EHBP1: variants seen among roughly 807,000 people sequenced by gnomAD.
EHBP1 encodes EH domain binding protein 1.
A neutral mutation model predicts 144.0 loss-of-function variants in EHBP1; 55 were observed. The ratio of observed to expected loss-of-function variants is 0.38; its 90% CI spans 0.31 to 0.48. The LOEUF is 0.48. Ranked by LOEUF, EHBP1 falls within the 20% of genes least tolerant of loss-of-function variation. The pLI, the probability that EHBP1 is intolerant of heterozygous loss-of-function variation, is 0.98. For missense variants in EHBP1, 1,200 were observed against 1,364.2 expected (o/e 0.88, Z 1.90); for synonymous variants, 469 against 472.7 (o/e 0.99, Z 0.10).
chr2:63,044,907 C>G, intron 21 of EHBP1, 159 bp from the exon 22 acceptor site: 1 of 594,644 alleles, frequency 1.7e-6, no homozygotes, highest in Non-Finnish European at 3.0e-6. Context: ...AGGAAGCCTT[C>G]ACCACAACAG....
At chr2:62,771,316 T>C in intron 4 of EHBP1, 23 bp from the exon 5 acceptor site, 1 of 1,576,610 alleles carries the variant, frequency 6.3e-7, no homozygotes, top group Non-Finnish European at 8.7e-7. Context: ...TCAATTCCAT[T>C]TCATATTTTG....
chr2:62,848,449 A>G (rs1185427346), intron 7 of EHBP1, among the ~76,000 whole-genome samples: 1 of 152,218 alleles, frequency 6.6e-6, no homozygotes, highest in Non-Finnish European at 1.5e-5. Context: ...CCCCAAATAA[A>G]TGAAAATATA....
chr2:62,786,854 T>C (rs1472730379), intron 5 of EHBP1, among the ~76,000 whole-genome samples: 4 of 152,196 alleles, frequency 2.6e-5, no homozygotes, highest in South Asian at 2.1e-4. Flanking sequence ...TTGCATGTTA[T>C]CTTGTGTGTT....
At chr2:62,852,186 A>G (rs1338571416) in intron 7 of EHBP1, among the ~76,000 whole-genome samples, 1 of 152,142 alleles carries the variant, frequency 6.6e-6, no homozygotes, top group Non-Finnish European at 1.5e-5. Flanking sequence ...TTTTAGGAAC[A>G]TAAGATAATT....
intron 15 of EHBP1, among the ~76,000 whole-genome samples, chr2:62,981,706 G>C (rs917950253): frequency 3.9e-5 from 6 of 152,190 alleles, no homozygotes; most frequent in Non-Finnish European, 7.3e-5. Context: ...ATCTGAATTT[G>C]CCATCATTCA....
At chr2:62,852,893 C>G (rs533399095) in intron 7 of EHBP1, among the ~76,000 whole-genome samples, 23 of 152,196 alleles carry the variant, frequency 1.5e-4, no homozygotes, top group African/African-American at 5.5e-4. Context: ...ATTGGCAAAA[C>G]AAGATGGAAG....
intron 14 of EHBP1, among the ~76,000 whole-genome samples, chr2:62,974,219 T>G (rs550119468): frequency 1.3e-5 from 2 of 152,092 alleles, no homozygotes; most frequent in African/African-American, 2.4e-5. Context: ...TACCATCACA[T>G]TGCTTTGCTT....
Position 62,955,572 on chromosome 2 carries a change from A to G in EHBP1, c.2372A>G (p.Glu791Gly), listed in dbSNP as rs764590181. The G allele has an allele frequency of 2.7e-5, 44 of 1,613,224 alleles. No homozygotes were observed. Among genetic ancestry groups the G allele is most frequent in the Non-Finnish European group, 3.6e-5 (42 of 1,179,438 alleles). The change falls in exon 14 of 23, where the codon GAG becomes GGG. Residue 791 changes from glutamate (E) to glycine (G), a missense_variant. This residue lies in a region of EHBP1 where 543 missense variants were observed against 513.1 expected (regional missense o/e 1.06). Transcript: ENST00000431489. ...AAGGAAAGAGCAAGAGTTCTGCTTGAGCAAGCAAGAAGAGATGCAGCCTTA... is the reference window on the plus strand; with the variant it reads ...AAGGAAAGAGCAAGAGTTCTGCTTGGGCAAGCAAGAAGAGATGCAGCCTTA... ...ELKERARVLL[E>G]QARRDAALKA...
At chr2:62,791,383 A>G (rs879648025) in intron 5 of EHBP1, among the ~76,000 whole-genome samples, 6 of 152,182 alleles carry the variant, frequency 3.9e-5, no homozygotes, top group Admixed American at 1.3e-4. Flanking sequence ...GCCAGCAGCC[A>G]TATCTGGCTT....
intron 14 of EHBP1, among the ~76,000 whole-genome samples, chr2:62,969,950 G>A (rs2058421895): frequency 6.6e-6 from 1 of 152,150 alleles, no homozygotes; most frequent in African/African-American, 2.4e-5. Context: ...TCAGTCAGGA[G>A]CTGATCAAGC....
chr2:62,923,387 T>C (rs2055238029), intron 10 of EHBP1, among the ~76,000 whole-genome samples: 1 of 152,172 alleles, frequency 6.6e-6, no homozygotes, highest in African/African-American at 2.4e-5. Flanking sequence ...TCTGAACAGC[T>C]GACATTCTCA....
intron 10 of EHBP1, among the ~76,000 whole-genome samples, chr2:62,912,141 TATG>T (rs1351845314): frequency 2.6e-5 from 4 of 152,208 alleles, no homozygotes; most frequent in African/African-American, 7.2e-5. Context: ...CTATGAGTGA[TATG>T]ATATTAGATT....
At chr2:62,898,820 C>T (rs1010648699) in intron 10 of EHBP1, among the ~76,000 whole-genome samples, 7 of 152,124 alleles carry the variant, frequency 4.6e-5, no homozygotes, top group South Asian at 4.1e-4. Flanking sequence ...AGACAGTCAT[C>T]CTGGCTCGGC....
chr2:62,970,157 G>A (rs1369473821), intron 14 of EHBP1, among the ~76,000 whole-genome samples: 1 of 149,720 alleles, frequency 6.7e-6, no homozygotes, highest in East Asian at 2.0e-4. Context: ...GTCTAATGAT[G>A]AAAGGGTGAC....
chr2:62,823,126 G>T (rs1482969372), intron 5 of EHBP1, among the ~76,000 whole-genome samples: 1 of 152,054 alleles, frequency 6.6e-6, no homozygotes, highest in Non-Finnish European at 1.5e-5. Context: ...AGGATCTCTA[G>T]GGGTGGGATT....
chr2:62,980,991 A>G, intron 15 of EHBP1, among the ~76,000 whole-genome samples: 1 of 146,232 alleles, frequency 6.8e-6, no homozygotes, highest in East Asian at 2.1e-4. Context: ...GGATCACTTG[A>G]GTTCAGGAAG....
intron 1 of EHBP1, among the ~76,000 whole-genome samples, chr2:62,682,749 C>T (rs2033574414): frequency 6.6e-6 from 1 of 152,118 alleles, no homozygotes; most frequent in South Asian, 2.1e-4. Flanking sequence ...CTGCCTGACT[C>T]TAGGACAAAA....
chr2:62,799,524 G>A (rs550743729), intron 5 of EHBP1, among the ~76,000 whole-genome samples: 1 of 152,132 alleles, frequency 6.6e-6, no homozygotes, highest in Non-Finnish European at 1.5e-5. Flanking sequence ...ACAATGCTGT[G>A]CCTAAGACAT....
chr2:63,024,084 A>G (rs914924372), intron 19 of EHBP1, among the ~76,000 whole-genome samples: 15 of 152,210 alleles, frequency 9.9e-5, no homozygotes, highest in Non-Finnish European at 1.6e-4. Flanking sequence ...GGTGGCTCAC[A>G]CCTGTAATCC....
Sources: allele counts gnomAD v4.1 joint callset (sites outside exome capture counted in the v4.1 genomes callset), GRCh38; gene constraint gnomAD v4.1.1; regional missense constraint gnomAD v4.1.1; transcripts MANE v1.5; gene names NCBI Gene and HGNC (gene_info 2026-07-23, HGNC 2026-07-21).